Variants in PDE1C observed in about 807,000 individuals in gnomAD.
PDE1C encodes the protein phosphodiesterase 1C.
In PDE1C, 62 loss-of-function variants were observed where a neutral mutation model predicts 93.1. The ratio of observed to expected loss-of-function variants is 0.67; its 90% confidence interval spans 0.54 to 0.82. PDE1C has a LOEUF of 0.82. Among genes scored for constraint, PDE1C ranks in the 40% least tolerant of loss-of-function variants. PDE1C has a pLI of 0.00. For missense variants in PDE1C, 742 were observed against 884.6 expected (o/e 0.84, Z 2.04); for synonymous variants, 325 against 310.1 (o/e 1.05, Z -0.50).
chr7:32,063,744 C>A (rs1011526656), intron 1 of PDE1C, among the ~76,000 whole-genome samples: 5 of 152,174 alleles, frequency 3.3e-5, no homozygotes, highest in African/African-American at 1.2e-4. Flanking sequence ...AAGAAAGACT[C>A]GAAAACAATC....
chr7:32,413,631 A>G (rs997232426), intron 1 of PDE1C, among the ~76,000 whole-genome samples: 5 of 152,214 alleles, frequency 3.3e-5, no homozygotes, highest in African/African-American at 1.2e-4. Flanking sequence ...AAGATGAAAA[A>G]AATGCTATGG....
the PDE1C span, among the ~76,000 whole-genome samples, chr7:31,617,688 A>T: frequency 6.6e-6 from 1 of 152,040 alleles, no homozygotes; most frequent in Non-Finnish European, 1.5e-5. Context: ...TCATTTTCTG[A>T]TTTATATTAG....
chr7:31,730,159 T>C, the PDE1C span, among the ~76,000 whole-genome samples: 2 of 152,206 alleles, frequency 1.3e-5, no homozygotes, highest in Non-Finnish European at 2.9e-5. Flanking sequence ...TTTCCCATCA[T>C]ATTCCTCTTG....
chr7:31,717,468 T>TG, the PDE1C span, among the ~76,000 whole-genome samples: 3 of 151,928 alleles, frequency 2.0e-5, no homozygotes, highest in East Asian at 3.9e-4. Context: ...TGCCCTTGGG[T>TG]GGGGGGCAGA....
At chr7:32,269,727 C>A (rs937908349) in intron 1 of PDE1C, among the ~76,000 whole-genome samples, 7 of 151,948 alleles carry the variant, frequency 4.6e-5, no homozygotes, top group African/African-American at 1.7e-4. Flanking sequence ...ATCTGTCCGC[C>A]TCGGCCTCCC....
intron 1 of PDE1C, among the ~76,000 whole-genome samples, chr7:32,209,715 C>T (rs1304862351): frequency 6.6e-6 from 1 of 152,196 alleles, no homozygotes; most frequent in African/African-American, 2.4e-5. Context: ...CTGCCCTCAA[C>T]ACCTAAATGA....
chr7:31,811,530 T>A (rs761623292), intron 15 of PDE1C, among the ~76,000 whole-genome samples: 1 of 151,958 alleles, frequency 6.6e-6, no homozygotes, highest in Non-Finnish European at 1.5e-5. Context: ...AATACTGGCT[T>A]TTCCCTATTT....
At chr7:32,235,870 T>C (rs182078966) in intron 1 of PDE1C, among the ~76,000 whole-genome samples, 41 of 152,214 alleles carry the variant, frequency 2.7e-4, no homozygotes, top group Admixed American at 2.4e-3. Context: ...AATAAAGTTG[T>C]AGGGCTCATA....
chr7:31,657,457 A>C, the PDE1C span, among the ~76,000 whole-genome samples: 1 of 152,228 alleles, frequency 6.6e-6, no homozygotes, highest in African/African-American at 2.4e-5. Context: ...CACTGTGCTA[A>C]TTGCATCTGA....
At chr7:31,749,629 T>G (rs1794078379), downstream of PDE1C, among the ~76,000 whole-genome samples, 1 of 151,872 alleles carries the variant, frequency 6.6e-6, no homozygotes. Context: ...AAGGTCTTGG[T>G]AGAAGAAGGG....
chr7:32,186,436 A>G (rs952312799), intron 2 of PDE1C, among the ~76,000 whole-genome samples: 2 of 152,240 alleles, frequency 1.3e-5, no homozygotes, highest in African/African-American at 4.8e-5. Context: ...ATTTCTATCT[A>G]TGGTTTTGGC....
intron 13 of PDE1C, among the ~76,000 whole-genome samples, chr7:31,823,579 T>G (rs903373175): frequency 6.6e-6 from 1 of 152,242 alleles, no homozygotes; most frequent in African/African-American, 2.4e-5. Context: ...TAATTTGAAC[T>G]GGGACATCTA....
In PDE1C at chr7:32,134,279, G is replaced by A. The variant is rs571710221; in HGVS notation, c.308+35506C>T. Among the ~76,000 whole-genome samples the A allele has an allele frequency of 5.3e-5, 8 of 152,214 alleles. No homozygotes were observed. The East Asian group carries it at 7.7e-4, about 15-fold the overall frequency. On this transcript the variant is annotated intron_variant, in intron 3 of 18. Transcript: ENST00000396193. ...CCCAAATTTGGTGAAAGACAAAAAT[G>A]TACAGATTCAGGAAGTTTAGAAAAC...
chr7:31,726,836 C>A, the PDE1C span, among the ~76,000 whole-genome samples: 1 of 152,080 alleles, frequency 6.6e-6, no homozygotes, highest in African/African-American at 2.4e-5. Flanking sequence ...AGTTCGAGAC[C>A]AAACAGGCCA....
At chr7:31,692,952 T>C in the PDE1C span, among the ~76,000 whole-genome samples, 1 of 152,338 alleles carries the variant, frequency 6.6e-6, no homozygotes, top group African/African-American at 2.4e-5. Flanking sequence ...TTAAATAGCC[T>C]TTTTCTGCTT....
At position 31,804,753 on chromosome 7, in the gene PDE1C, T is replaced by A. The variant is rs116540838; in HGVS notation, c.1891+4278A>T. On this transcript the variant is annotated intron_variant, in intron 16 of 17. Transcript: ENST00000396191. ...TTGCTTTGGAACCATTGTTAAGTAA[T>A]ATAAAGGTACTTAATTGCAAGCACT... Among the ~76,000 whole-genome samples the A allele has an allele frequency of 3.0e-3, 463 of 151,968 alleles. 6 individuals carry two copies. The highest frequency in any genetic ancestry group is 0.011 in the African/African-American group (440 of 41,508).
At chr7:31,846,557 A>T (rs114853905) in intron 9 of PDE1C, among the ~76,000 whole-genome samples, 14,338 of 152,178 alleles carry the variant, frequency 0.094, 781 homozygotes, top group South Asian at 0.18. Context: ...AGCATTCAGG[A>T]TATAGGTATG....
chr7:31,959,613 G>A (rs905268429), intron 2 of PDE1C, among the ~76,000 whole-genome samples: 3 of 152,144 alleles, frequency 2.0e-5, no homozygotes, highest in South Asian at 2.1e-4. Flanking sequence ...AATTGATAGA[G>A]TTTGATTAAT....
At chr7:32,311,075 C>A (rs1021412392) in intron 1 of PDE1C, among the ~76,000 whole-genome samples, 1 of 152,110 alleles carries the variant, frequency 6.6e-6, no homozygotes, top group Non-Finnish European at 1.5e-5. Context: ...GAAGATATCA[C>A]CACCGATCCC....
Sources: gnomAD v4.1 joint callset for allele counts (sites outside exome capture counted in the v4.1 genomes callset) on GRCh38, gnomAD v4.1.1 for gene constraint, MANE v1.5 for transcripts, NCBI Gene and HGNC (gene_info 2026-07-23, HGNC 2026-07-21) for gene names.